Variants in DNM3 observed in about 807,000 individuals in gnomAD.
DNM3 encodes the protein dynamin-3.
In DNM3, 47 loss-of-function variants were observed where a neutral mutation model predicts 101.6. That is an observed-to-expected ratio of 0.46 (90% confidence interval 0.37 to 0.59). The LOEUF is 0.59. Among genes scored for constraint, DNM3 ranks in the 20% least tolerant of loss-of-function variants. The pLI is 0.00. For missense variants in DNM3, 849 were observed against 1,085.7 expected (o/e 0.78, Z 3.06); for synonymous variants, 385 against 387.9 (o/e 0.99, Z 0.09).
intron 12 of DNM3, among the ~76,000 whole-genome samples, chr1:172,092,463 G>A (rs1027576986): frequency 9.9e-5 from 15 of 152,120 alleles, no homozygotes; most frequent in Admixed American, 1.3e-4. Context: ...GATTAATATC[G>A]ATAAAGCACT....
intron 14 of DNM3, among the ~76,000 whole-genome samples, chr1:172,135,518 T>C (rs2057173134): frequency 6.6e-6 from 1 of 152,166 alleles, no homozygotes; most frequent in Non-Finnish European, 1.5e-5. Context: ...TTTTTGTTTG[T>C]TTGTTTGTTT....
At chr1:172,383,513 T>G (rs948017839) in intron 18 of DNM3, among the ~76,000 whole-genome samples, 4 of 152,134 alleles carry the variant, frequency 2.6e-5, no homozygotes, top group Non-Finnish European at 5.9e-5. Flanking sequence ...ATACATGTAT[T>G]GTGTGAATGA....
intron 15 of DNM3, among the ~76,000 whole-genome samples, chr1:172,255,223 C>G (rs2062349536): frequency 6.6e-6 from 1 of 152,052 alleles, no homozygotes; most frequent in South Asian, 2.1e-4. Context: ...TATTTGAGAG[C>G]AGCTTATGAA....
intron 1 of DNM3, among the ~76,000 whole-genome samples, chr1:171,883,281 T>C (rs1320073307): frequency 6.6e-6 from 1 of 150,732 alleles, no homozygotes; most frequent in African/African-American, 2.4e-5. Flanking sequence ...GAGGCTGAGG[T>C]GGAAGGATCA....
chr1:172,111,934 T>C (rs896664974), intron 13 of DNM3, among the ~76,000 whole-genome samples: 1 of 152,144 alleles, frequency 6.6e-6, no homozygotes, highest in Non-Finnish European at 1.5e-5. Flanking sequence ...GATGTCCATA[T>C]TGCATACCAG....
intron 10 of DNM3, among the ~76,000 whole-genome samples, chr1:172,066,952 TTGTGTGTGTGTGTGTGTGTGTGTTTG>T (rs1373003554): frequency 4.0e-5 from 6 of 150,124 alleles, no homozygotes; most frequent in African/African-American, 1.5e-4. Flanking sequence ...GTCTCTGTGT[TTGTGTGTGTGTGTGTGTGTGTGTTTG>T]TGTGTGTGTG....
At chr1:172,057,790 C>T (rs900263571) in intron 10 of DNM3, among the ~76,000 whole-genome samples, 32 of 151,414 alleles carry the variant, frequency 2.1e-4, no homozygotes, top group Admixed American at 5.3e-4. Context: ...CATCAACTAA[C>T]GAGCAAAATA....
chr1:172,416,312 T>C (rs1281123605), downstream of DNM3, among the ~76,000 whole-genome samples: 1 of 152,164 alleles, frequency 6.6e-6, no homozygotes, highest in East Asian at 1.9e-4. Context: ...GTAAGTCATA[T>C]AAAAATTATG....
intron 2 of DNM3, among the ~76,000 whole-genome samples, chr1:171,986,214 C>T (rs1442977509): frequency 6.6e-6 from 1 of 152,068 alleles, no homozygotes; most frequent in East Asian, 1.9e-4. Context: ...ACCCCACTTC[C>T]TTTTTTGGGT....
chr1:172,182,981 G>C lies in DNM3; in HGVS notation c.1659+51693G>C, dbSNP rs572387770. Reference sequence around the variant, plus strand: ...TTAATAATCATGACAACTGAGTATAGTTTCTATCAAAAAAAATTTCTTAGT... The same window carrying C: ...TTAATAATCATGACAACTGAGTATACTTTCTATCAAAAAAAATTTCTTAGT... On this transcript the variant is annotated intron_variant, in intron 14 of 20. Transcript: ENST00000627582. Among the ~76,000 whole-genome samples, 5 of 152,068 alleles carry C rather than the reference G, an allele frequency of 3.3e-5. No individual in the cohort carries two copies. In the South Asian group the frequency reaches 1.0e-3, roughly 32 times the overall value.
At chr1:172,222,256 A>T (rs2060935290) in intron 14 of DNM3, among the ~76,000 whole-genome samples, 1 of 152,194 alleles carries the variant, frequency 6.6e-6, no homozygotes, top group South Asian at 2.1e-4. Context: ...CACATCATAA[A>T]GAATGTACAC....
intron 1 of DNM3, among the ~76,000 whole-genome samples, chr1:171,907,653 C>G (rs867057459): frequency 6.6e-6 from 1 of 152,128 alleles, no homozygotes; most frequent in Non-Finnish European, 1.5e-5. Flanking sequence ...ACTTCTTCCC[C>G]TTGCTCATTC....
At chr1:172,396,867 A>T (rs954650335) in intron 20 of DNM3, among the ~76,000 whole-genome samples, 6 of 152,232 alleles carry the variant, frequency 3.9e-5, no homozygotes, top group Non-Finnish European at 7.3e-5. Context: ...TGAGAATAGG[A>T]GATGAGAAAG....
chr1:171,956,112 T>C (rs2042841437), intron 2 of DNM3, among the ~76,000 whole-genome samples: 2 of 152,096 alleles, frequency 1.3e-5, no homozygotes, highest in African/African-American at 4.8e-5. Flanking sequence ...TCCTGGCCCC[T>C]CCCAAATCCC....
chr1:172,300,075 C>A (rs2064363779), intron 15 of DNM3, among the ~76,000 whole-genome samples: 1 of 152,124 alleles, frequency 6.6e-6, no homozygotes, highest in Admixed American at 6.6e-5. Flanking sequence ...TAGTAGTAGC[C>A]ATTCTAACTG....
intron 1 of DNM3, among the ~76,000 whole-genome samples, chr1:171,853,763 T>G (rs2033257615): frequency 6.6e-6 from 1 of 152,184 alleles, no homozygotes; most frequent in Non-Finnish European, 1.5e-5. Context: ...CTCCATTTCT[T>G]ATTCATCTAT....
chr1:172,242,906 T>G (rs1440234666), intron 14 of DNM3, among the ~76,000 whole-genome samples: 4 of 152,188 alleles, frequency 2.6e-5, no homozygotes, highest in Non-Finnish European at 4.4e-5. Flanking sequence ...AATAACCCTT[T>G]TCTTTATGCT....
At chr1:171,954,772 A>C (rs1474699498) in intron 2 of DNM3, among the ~76,000 whole-genome samples, 1 of 152,240 alleles carries the variant, frequency 6.6e-6, no homozygotes, top group Non-Finnish European at 1.5e-5. Context: ...TAATGAAAAC[A>C]TATTTTCACA....
intron 15 of DNM3, among the ~76,000 whole-genome samples, chr1:172,268,308 G>C (rs2062951053): frequency 6.6e-6 from 1 of 151,370 alleles, no homozygotes; most frequent in Non-Finnish European, 1.5e-5. Context: ...TATTTTGAAA[G>C]TTGATTCCAA....
Sources: allele counts gnomAD v4.1 joint callset (sites outside exome capture counted in the v4.1 genomes callset), GRCh38; gene constraint gnomAD v4.1.1; transcripts MANE v1.5; gene names NCBI Gene and HGNC (gene_info 2026-07-23, HGNC 2026-07-21).